NR2F1-AS1: variants seen among roughly 807,000 people sequenced by gnomAD.
NR2F1-AS1 encodes NR2F1 antisense RNA 1.
At chr5:93,517,188 A>C (rs1297689194) in intron 4 of NR2F1-AS1, among the ~76,000 whole-genome samples, 1 of 151,994 alleles carries the variant, frequency 6.6e-6, no homozygotes, top group African/African-American at 2.4e-5. Context: ...AAATGGAATA[A>C]GTAATTGTTT....
intron 4 of NR2F1-AS1, among the ~76,000 whole-genome samples, chr5:93,455,457 A>G (rs987526793): frequency 5.3e-5 from 8 of 152,004 alleles, no homozygotes; most frequent in East Asian, 1.9e-4. Flanking sequence ...GACAAATAGG[A>G]AAAAAAAGCA....
chr5:93,475,263 G>A (rs991032436), intron 4 of NR2F1-AS1, among the ~76,000 whole-genome samples: 1 of 151,986 alleles, frequency 6.6e-6, no homozygotes, highest in Non-Finnish European at 1.5e-5. Context: ...TAAAAGCTAT[G>A]GACCTGCACA....
chr5:93,454,976 G>A (rs925636741), intron 4 of NR2F1-AS1, among the ~76,000 whole-genome samples: 1 of 151,740 alleles, frequency 6.6e-6, no homozygotes, highest in Non-Finnish European at 1.5e-5. Context: ...CCCATTTACT[G>A]AAGTAGAGTG....
At chr5:93,566,874 T>C (rs551415164) in intron 1 of NR2F1-AS1, among the ~76,000 whole-genome samples, 3 of 152,120 alleles carry the variant, frequency 2.0e-5, no homozygotes, top group Admixed American at 6.5e-5. Context: ...AAAGTAGATA[T>C]GTTAAAACAT....
intron 2 of NR2F1-AS1, among the ~76,000 whole-genome samples, chr5:93,560,865 A>T (rs1752470359): frequency 6.6e-6 from 1 of 152,368 alleles, no homozygotes; most frequent in African/African-American, 2.4e-5. Flanking sequence ...GTGAACTGAA[A>T]TTTGCTCCTA....
At chr5:93,464,663 T>C (rs1414560081) in intron 4 of NR2F1-AS1, among the ~76,000 whole-genome samples, 1 of 152,218 alleles carries the variant, frequency 6.6e-6, no homozygotes, top group Non-Finnish European at 1.5e-5. Flanking sequence ...TTGAAGTAGC[T>C]ATGGCCCAAT....
intron 4 of NR2F1-AS1, among the ~76,000 whole-genome samples, chr5:93,527,918 A>G (rs1751655478): frequency 6.6e-6 from 1 of 152,168 alleles, no homozygotes; most frequent in Non-Finnish European, 1.5e-5. Context: ...AGGCAATACC[A>G]CTCAGGATAT....
chr5:93,582,794 G>A (rs1363842666), upstream of NR2F1-AS1, among the ~76,000 whole-genome samples: 1 of 152,128 alleles, frequency 6.6e-6, no homozygotes, highest in Non-Finnish European at 1.5e-5. Context: ...GTATGTGTGT[G>A]TGTGTGTGAC....
At chr5:93,472,571 A>T (rs1750389056) in intron 4 of NR2F1-AS1, among the ~76,000 whole-genome samples, 1 of 151,916 alleles carries the variant, frequency 6.6e-6, no homozygotes, top group Non-Finnish European at 1.5e-5. Flanking sequence ...ACATATATGT[A>T]AAATATTTAA....
intron 4 of NR2F1-AS1, among the ~76,000 whole-genome samples, chr5:93,452,508 A>T (rs958373468): frequency 3.3e-5 from 5 of 152,140 alleles, no homozygotes; most frequent in Admixed American, 3.3e-4. Flanking sequence ...ATTTGTGGAG[A>T]TTATCAGACA....
chr5:93,499,192 G>C (rs1580279158), intron 4 of NR2F1-AS1, among the ~76,000 whole-genome samples: 1 of 152,142 alleles, frequency 6.6e-6, no homozygotes, highest in African/African-American at 2.4e-5. Flanking sequence ...TTTCAAATAT[G>C]TGAATGTGTG....
chr5:93,449,759 A>G (rs1217531620), intron 4 of NR2F1-AS1, among the ~76,000 whole-genome samples: 2 of 152,180 alleles, frequency 1.3e-5, no homozygotes, highest in African/African-American at 4.8e-5. Context: ...TTCTACTTCC[A>G]AAGGCCTGCT....
chr5:93,515,185 T>A (rs1237858058), intron 4 of NR2F1-AS1, among the ~76,000 whole-genome samples: 4 of 151,896 alleles, frequency 2.6e-5, no homozygotes, highest in African/African-American at 4.8e-5. Context: ...AGTGAAACTG[T>A]GGGTTTTGTT....
chr5:93,551,677 C>A (rs540496649), intron 4 of NR2F1-AS1, among the ~76,000 whole-genome samples: 8 of 152,030 alleles, frequency 5.3e-5, no homozygotes, highest in Non-Finnish European at 8.8e-5. Context: ...GCAGAAGGGT[C>A]CTTTTCCAAC....
chr5:93,558,635 CT>C (rs1752417793), intron 2 of NR2F1-AS1, among the ~76,000 whole-genome samples: 1 of 152,102 alleles, frequency 6.6e-6, no homozygotes, highest in Non-Finnish European at 1.5e-5. Context: ...AAATGTATTT[CT>C]TAATTAATAA....
At chr5:93,447,597 A>G (rs1580232412) in intron 4 of NR2F1-AS1, among the ~76,000 whole-genome samples, 1 of 152,200 alleles carries the variant, frequency 6.6e-6, no homozygotes, top group African/African-American at 2.4e-5. Context: ...ACACTTTTAC[A>G]CTGTTGGTGG....
intron 4 of NR2F1-AS1, among the ~76,000 whole-genome samples, chr5:93,523,932 A>G (rs1751557226): frequency 6.6e-6 from 1 of 152,078 alleles, no homozygotes; most frequent in Non-Finnish European, 1.5e-5. Flanking sequence ...ATTCCAAAAA[A>G]CAGAAAGCCA....
At chr5:93,499,519 G>A (rs137858065) in intron 4 of NR2F1-AS1, among the ~76,000 whole-genome samples, 98 of 152,136 alleles carry the variant, frequency 6.4e-4, no homozygotes, top group African/African-American at 2.3e-3. Flanking sequence ...GAGGCACCAC[G>A]GACCATGCCC....
At chr5:93,466,337 T>C (rs1750231713) in intron 4 of NR2F1-AS1, among the ~76,000 whole-genome samples, 1 of 151,776 alleles carries the variant, frequency 6.6e-6, no homozygotes, top group African/African-American at 2.4e-5. Context: ...AATTCTTTTT[T>C]TTTTTTTTCT....
Sources: allele counts gnomAD v4.1 joint callset (sites outside exome capture counted in the v4.1 genomes callset), GRCh38; gene constraint gnomAD v4.1.1; transcripts MANE v1.5; gene names NCBI Gene and HGNC (gene_info 2026-07-23, HGNC 2026-07-21).